The following DLGAP2 variants were observed in gnomAD, a reference collection of about 807,000 sequenced individuals.
The protein encoded by DLGAP2 is disks large-associated protein 2.
A neutral mutation model predicts 100.3 loss-of-function variants in DLGAP2; 26 were observed. The observed-to-expected ratio is 0.26, with a 90% CI of 0.19 to 0.36. DLGAP2 has a LOEUF of 0.36. DLGAP2 is among the 10% of genes least tolerant of loss of function. DLGAP2 has a pLI of 1.00. For synonymous variants in DLGAP2, 886 were observed against 630.1 expected, an observed-to-expected ratio of 1.41 and a Z score of -6.08; for missense variants, 1,858 against 1,453.2, an observed-to-expected ratio of 1.28 and a Z score of -4.53.
At chr8:1,268,955 G>T (rs1799524705) in intron 3 of DLGAP2, among the ~76,000 whole-genome samples, 2 of 152,150 alleles carry the variant, frequency 1.3e-5, no homozygotes. Flanking sequence ...AGCTCTATCT[G>T]CAGCTGATTC....
At chr8:1,578,593 C>T (rs1354222044) in intron 6 of DLGAP2, among the ~76,000 whole-genome samples, 1 of 152,180 alleles carries the variant, frequency 6.6e-6, no homozygotes, top group Non-Finnish European at 1.5e-5. Flanking sequence ...CCTCTTGGAA[C>T]AATGCCAGAA....
chr8:1,092,354 G>A (rs527449532), intron 2 of DLGAP2, among the ~76,000 whole-genome samples: 2 of 152,324 alleles, frequency 1.3e-5, no homozygotes, highest in South Asian at 2.1e-4. Flanking sequence ...ACGTGGATGC[G>A]TAGGGTCCGC....
intron 3 of DLGAP2, among the ~76,000 whole-genome samples, chr8:1,329,076 GGTGACAA>G (rs758345194): frequency 1.8e-3 from 269 of 151,474 alleles, no homozygotes; most frequent in Non-Finnish European, 2.4e-3. Context: ...ACAGGCGACA[GGTGACAA>G]GCGACAAGCG....
chr8:1,071,258 C>T (rs1803421986), intron 2 of DLGAP2, among the ~76,000 whole-genome samples: 1 of 152,210 alleles, frequency 6.6e-6, no homozygotes, highest in South Asian at 2.1e-4. Context: ...AGTTAGACTA[C>T]ACTTGTCACC....
chr8:1,593,028 A>G (rs943041854), intron 6 of DLGAP2, among the ~76,000 whole-genome samples: 1 of 152,232 alleles, frequency 6.6e-6, no homozygotes, highest in African/African-American at 2.4e-5. Flanking sequence ...ATTTGTGATT[A>G]TACATTGCAA....
chr8:1,194,652 G>C, intron 2 of DLGAP2, among the ~76,000 whole-genome samples: 1 of 152,210 alleles, frequency 6.6e-6, no homozygotes, highest in Non-Finnish European at 1.5e-5. Flanking sequence ...ACGTGTTGGG[G>C]CTGCTGCTTT....
chr8:1,586,770 T>A (rs996310238), intron 6 of DLGAP2, among the ~76,000 whole-genome samples: 1 of 152,232 alleles, frequency 6.6e-6, no homozygotes, highest in Non-Finnish European at 1.5e-5. Flanking sequence ...CCTCTATGTT[T>A]TTATTACTGC....
At chr8:807,298 C>G (rs1796288931) in intron 1 of DLGAP2, among the ~76,000 whole-genome samples, 1 of 124,428 alleles carries the variant, frequency 8.0e-6, no homozygotes, top group Non-Finnish European at 1.7e-5. Context: ...CATACGTTCT[C>G]TCTCCTCTTT....
chr8:1,067,321 C>CT (rs1401448101), intron 2 of DLGAP2, among the ~76,000 whole-genome samples: 7 of 152,298 alleles, frequency 4.6e-5, no homozygotes, highest in Middle Eastern at 3.4e-3. Flanking sequence ...AGCGCTTTTG[C>CT]TTTGGGTTTT....
At chr8:1,598,962 G>T (rs772603213) in intron 6 of DLGAP2, among the ~76,000 whole-genome samples, 3 of 152,098 alleles carry the variant, frequency 2.0e-5, no homozygotes, top group Non-Finnish European at 4.4e-5. Flanking sequence ...TGATTTTAGG[G>T]TGTTGATTTT....
intron 2 of DLGAP2, among the ~76,000 whole-genome samples, chr8:1,104,307 G>T (rs902665524): frequency 3.9e-5 from 6 of 151,954 alleles, no homozygotes; most frequent in Admixed American, 2.6e-4. Flanking sequence ...GGTTCCAGCC[G>T]CAGGATCAGC....
rs117307485 is a variant in DLGAP2 at position 921,569 on chromosome 8, T to G, written c.73+13603T>G. On this transcript the variant is annotated intron_variant, in intron 2 of 14. Coordinates refer to ENST00000637795, the MANE Select transcript of DLGAP2 (RefSeq NM_001346810.2). The stretch of plus-strand genomic sequence containing the variant: ...ACCTCCCTTTCACTGGCATTTCCCA[T>G]AGACAGTCTGTGGGATTGTCCTGGT... Among the ~76,000 whole-genome samples, 870 of 152,382 alleles carry G rather than the reference T, an allele frequency of 5.7e-3. 1 individual carries two copies. The highest frequency in any genetic ancestry group is 9.0e-3 in the Admixed American group (138 of 15,310).
chr8:786,277 A>T (rs753106837), intron 1 of DLGAP2, among the ~76,000 whole-genome samples: 1 of 152,104 alleles, frequency 6.6e-6, no homozygotes, highest in Non-Finnish European at 1.5e-5. Flanking sequence ...GAGAGGGTGC[A>T]GTTGGTCCAT....
intron 3 of DLGAP2, among the ~76,000 whole-genome samples, chr8:1,287,188 G>C (rs1381781347): frequency 1.6e-5 from 2 of 123,774 alleles, no homozygotes; most frequent in Non-Finnish European, 3.3e-5. Flanking sequence ...GTTAGGAGGG[G>C]AACTAGTTTT....
At chr8:973,801 G>A (rs981233608) in intron 2 of DLGAP2, among the ~76,000 whole-genome samples, 4 of 151,408 alleles carry the variant, frequency 2.6e-5, no homozygotes, top group East Asian at 3.9e-4. Context: ...GCGCGAATCC[G>A]GGGCTCGGGC....
chr8:740,315 C>T (rs1471792133), intron 1 of DLGAP2: 1 of 152,198 alleles, frequency 6.6e-6, no homozygotes, highest in Non-Finnish European at 1.5e-5. Flanking sequence ...GAACTTTGCA[C>T]TTATGATTGT....
intron 1 of DLGAP2, among the ~76,000 whole-genome samples, chr8:832,792 C>T (rs906467788): frequency 6.6e-6 from 1 of 152,230 alleles, no homozygotes; most frequent in African/African-American, 2.4e-5. Context: ...TGGTCCCTGA[C>T]AGGAGACTGT....
intron 8 of DLGAP2, among the ~76,000 whole-genome samples, chr8:1,661,604 G>C (rs920620532): frequency 5.9e-5 from 9 of 152,216 alleles, no homozygotes; most frequent in African/African-American, 2.2e-4. Flanking sequence ...CTGTGAGGAA[G>C]AGGCGGCCAC....
chr8:848,936 AGCATAGGAACGCG>A (rs1563061943), intron 1 of DLGAP2, among the ~76,000 whole-genome samples: 21 of 150,926 alleles, frequency 1.4e-4, no homozygotes, highest in Admixed American at 1.3e-4. Context: ...TGCCTGTTCC[AGCATAGGAACGCG>A]CGGTGCCTGT....
Sources: allele counts gnomAD v4.1 joint callset (sites outside exome capture counted in the v4.1 genomes callset), GRCh38; gene constraint gnomAD v4.1.1; transcripts MANE v1.5; gene names NCBI Gene and HGNC (gene_info 2026-07-23, HGNC 2026-07-21).